Variants in BRINP3 observed in about 807,000 individuals in gnomAD.
The protein encoded by BRINP3 is BMP/retinoic acid-inducible neural-specific protein 3.
BRINP3 carries 19 observed loss-of-function variants against 71.0 expected under a neutral mutation model. The observed-to-expected ratio is 0.27, with a 90% CI of 0.19 to 0.39. The LOEUF is 0.39. BRINP3 is among the 10% of genes least tolerant of loss of function. The probability of loss-of-function intolerance (pLI) is 1.00; values close to 1 mark genes in which losing one functional copy is unlikely to be tolerated. For missense variants in BRINP3, 959 were observed against 940.8 expected, an observed-to-expected ratio of 1.02 and a Z score of -0.25; for synonymous variants, 380 against 337.7, an observed-to-expected ratio of 1.13 and a Z score of -1.37.
At chr1:190,393,886 C>T (rs1034007419) in intron 2 of BRINP3, among the ~76,000 whole-genome samples, 2 of 151,320 alleles carry the variant, frequency 1.3e-5, no homozygotes, top group African/African-American at 4.8e-5. Context: ...ACATGCCTGC[C>T]CTAAAGCTAA....
At chr1:190,442,868 T>C (rs1674923140) in intron 2 of BRINP3, among the ~76,000 whole-genome samples, 1 of 150,804 alleles carries the variant, frequency 6.6e-6, no homozygotes, top group African/African-American at 2.4e-5. Context: ...AACAATAAAA[T>C]AGTGAAATAC....
At chr1:190,445,140 G>A (rs1267385231) in intron 2 of BRINP3, among the ~76,000 whole-genome samples, 5 of 150,750 alleles carry the variant, frequency 3.3e-5, no homozygotes, top group Admixed American at 2.0e-4. Flanking sequence ...TTTACTTTGG[G>A]GAAATTAAAA....
At chr1:190,409,110 C>T (rs1344158612) in intron 2 of BRINP3, among the ~76,000 whole-genome samples, 1 of 152,010 alleles carries the variant, frequency 6.6e-6, no homozygotes, top group Admixed American at 6.6e-5. Context: ...GGTTTAAAAA[C>T]CTTCTATCCA....
intron 6 of BRINP3, among the ~76,000 whole-genome samples, chr1:190,181,804 GAA>G (rs1653054006): frequency 6.6e-6 from 1 of 151,962 alleles, no homozygotes; most frequent in African/African-American, 2.4e-5. Flanking sequence ...AGATGAAAAT[GAA>G]AGTTGATTTT....
chr1:190,323,745 G>A (rs1666401962), intron 2 of BRINP3, among the ~76,000 whole-genome samples: 1 of 151,810 alleles, frequency 6.6e-6, no homozygotes, highest in South Asian at 2.1e-4. Flanking sequence ...CATGAGATAG[G>A]TGCACAATTA....
At chr1:190,240,158 T>C (rs891802712) in intron 4 of BRINP3, among the ~76,000 whole-genome samples, 1 of 151,942 alleles carries the variant, frequency 6.6e-6, no homozygotes, top group African/African-American at 2.4e-5. Context: ...CCAAACCATA[T>C]ATTTACCTAG....
At chr1:190,460,206 A>G (rs1014270915) in intron 1 of BRINP3, among the ~76,000 whole-genome samples, 1 of 151,272 alleles carries the variant, frequency 6.6e-6, no homozygotes, top group East Asian at 1.9e-4. Flanking sequence ...ATAATACGAT[A>G]CATATTATTC....
intron 7 of BRINP3, among the ~76,000 whole-genome samples, chr1:190,144,190 C>T (rs778141213): frequency 6.6e-6 from 1 of 152,084 alleles, no homozygotes; most frequent in Non-Finnish European, 1.5e-5. Context: ...CAACCCCCTC[C>T]CCCTTTTTAT....
Position 190,271,067 on chromosome 1 carries a change from T to A in BRINP3, c.428-6012A>T, listed in dbSNP as rs530836694. On this transcript the variant is annotated intron_variant, in intron 3 of 7. Coordinates refer to ENST00000367462, the MANE Select transcript of BRINP3 (RefSeq NM_199051.3). ...AGCCATTTTAAATATGTGAAAAGAG[T>A]CATTTTCAGTAAGTCTCCCTTTGTA... 2.6e-5 allele frequency among the ~76,000 whole-genome samples: 4 copies of A among 151,652 alleles called. No individual in the cohort carries two copies. In the East Asian group the frequency reaches 7.8e-4, roughly 29 times the overall value.
chr1:190,218,626 A>G (rs1256662031), intron 6 of BRINP3, among the ~76,000 whole-genome samples: 1 of 152,050 alleles, frequency 6.6e-6, no homozygotes, highest in Admixed American at 6.6e-5. Flanking sequence ...CAATTTTGAA[A>G]CATACATTTT....
chr1:190,160,932 T>A, intron 6 of BRINP3, 42 bp from the exon 7 acceptor site: 1 of 1,440,632 alleles, frequency 6.9e-7, no homozygotes, highest in Non-Finnish European at 9.6e-7. Flanking sequence ...ATGAAACAAT[T>A]ATTTTTTGTT....
intron 6 of BRINP3, among the ~76,000 whole-genome samples, chr1:190,209,707 A>C (rs1025329456): frequency 6.6e-6 from 1 of 152,146 alleles, no homozygotes; most frequent in Non-Finnish European, 1.5e-5. Flanking sequence ...AATATTTCAC[A>C]TAATATATCT....
chr1:190,207,789 A>T (rs1184113019), intron 6 of BRINP3, among the ~76,000 whole-genome samples: 1 of 152,192 alleles, frequency 6.6e-6, no homozygotes, highest in Non-Finnish European at 1.5e-5. Context: ...TTTAGAAGAG[A>T]TACAGACATG....
At chr1:190,442,592 G>A (rs1029825301) in intron 2 of BRINP3, among the ~76,000 whole-genome samples, 1 of 152,140 alleles carries the variant, frequency 6.6e-6, no homozygotes, top group Non-Finnish European at 1.5e-5. Flanking sequence ...ACGTAAATAC[G>A]TAACATACTT....
chr1:190,249,924 T>C (rs1252952706), intron 4 of BRINP3, among the ~76,000 whole-genome samples: 1 of 151,900 alleles, frequency 6.6e-6, no homozygotes, highest in African/African-American at 2.4e-5. Flanking sequence ...AGTCCAAGAA[T>C]TGCTAATAGA....
At chr1:190,378,479 G>A (rs1670320066) in intron 2 of BRINP3, among the ~76,000 whole-genome samples, 1 of 152,128 alleles carries the variant, frequency 6.6e-6, no homozygotes, top group South Asian at 2.1e-4. Context: ...ATGCTTGCAT[G>A]GCAAATAGTC....
At chr1:190,268,537 G>A (rs1418327044) in intron 3 of BRINP3, among the ~76,000 whole-genome samples, 1 of 152,090 alleles carries the variant, frequency 6.6e-6, no homozygotes, top group Non-Finnish European at 1.5e-5. Flanking sequence ...TATTCAACAT[G>A]CTAATAAATA....
intron 3 of BRINP3, among the ~76,000 whole-genome samples, chr1:190,266,503 A>T (rs886481777): frequency 3.9e-5 from 6 of 152,338 alleles, no homozygotes; most frequent in Non-Finnish European, 5.9e-5. Context: ...AAGAATAAAT[A>T]GGTGGGTCAA....
intron 6 of BRINP3, among the ~76,000 whole-genome samples, chr1:190,172,743 C>A (rs1424876767): frequency 6.6e-6 from 1 of 152,096 alleles, no homozygotes; most frequent in African/African-American, 2.4e-5. Context: ...AAGCCATCAT[C>A]CTCAGAAGTT....
Sources: gnomAD v4.1 joint callset for allele counts (sites outside exome capture counted in the v4.1 genomes callset) on GRCh38, gnomAD v4.1.1 for gene constraint, MANE v1.5 for transcripts, NCBI Gene and HGNC (gene_info 2026-07-23, HGNC 2026-07-21) for gene names.